Variants in MICU3 observed in about 807,000 individuals in gnomAD.
MICU3 encodes the protein mitochondrial calcium uptake 3, also known as calcium uptake protein 3, mitochondrial.
In MICU3, 62 loss-of-function variants were observed where a neutral mutation model predicts 66.5. The observed-to-expected ratio is 0.93, with a 90% CI of 0.76 to 1.15. MICU3 has a LOEUF of 1.15. MICU3 is among the 50% of genes most tolerant of loss of function. The pLI is 0.00. For missense variants in MICU3, 779 were observed against 664.4 expected (o/e 1.17, Z -1.90); for synonymous variants, 308 against 240.7 (o/e 1.28, Z -2.59).
chr8:17,114,323 T>C, intron 12 of MICU3, 122 bp downstream of exon 12: 1 of 600,220 alleles, frequency 1.7e-6, no homozygotes, highest in South Asian at 2.4e-5. Flanking sequence ...GTCCGGTGTA[T>C]ACTTTCAGTG....
intron 8 of MICU3, among the ~76,000 whole-genome samples, chr8:17,097,864 A>G (rs186250805): frequency 6.6e-6 from 1 of 151,882 alleles, no homozygotes; most frequent in East Asian, 1.9e-4. Context: ...TGTCCTTGTA[A>G]TAAATAATAA....
At chr8:17,060,984 C>T (rs1260286757) in intron 1 of MICU3, among the ~76,000 whole-genome samples, 1 of 152,026 alleles carries the variant, frequency 6.6e-6, no homozygotes, top group African/African-American at 2.4e-5. Flanking sequence ...AAACCTTCAA[C>T]TCTGCTTGGT....
At chr8:17,083,256 T>C (rs1821459644) in intron 5 of MICU3, among the ~76,000 whole-genome samples, 1 of 152,020 alleles carries the variant, frequency 6.6e-6, no homozygotes, top group African/African-American at 2.4e-5. Flanking sequence ...ATCCATCAAG[T>C]GTGGGGTCTG....
In MICU3 at chr8:17,104,811, C is replaced by A. The variant is rs1261582097; in HGVS notation, c.1085+320C>A. On this transcript the variant is annotated intron_variant, in intron 10 of 14. Transcript: ENST00000318063. Reference sequence around the variant, plus strand: ...GAGATCGAGACCATCCTGGCTAACACGGTGAAACCCCGTCTCTACTAAAAA... The same window carrying A: ...GAGATCGAGACCATCCTGGCTAACAAGGTGAAACCCCGTCTCTACTAAAAA... Among the ~76,000 whole-genome samples, 5 of 43,388 alleles carry A rather than the reference C, an allele frequency of 1.2e-4. 2 individuals carry two copies. Among genetic ancestry groups the A allele is most frequent in the African/African-American group, 7.5e-4 (2 of 2,650 alleles). The allele number at this position is 43,388 out of a possible 152,430, so 28.5% of individuals were successfully genotyped here.
intron 1 of MICU3, among the ~76,000 whole-genome samples, chr8:17,037,291 C>T (rs1477896374): frequency 1.3e-5 from 2 of 152,196 alleles, no homozygotes; most frequent in Non-Finnish European, 2.9e-5. Flanking sequence ...CCGAAGAGCT[C>T]CTCAAGTGCT....
chr8:17,049,650 C>T (rs1417821520), intron 1 of MICU3: 1 of 517,734 alleles, frequency 1.9e-6, no homozygotes, highest in Non-Finnish European at 3.9e-6. Flanking sequence ...CATATACTTT[C>T]ATTCCAATAT....
At chr8:17,112,855 G>A (rs1415485730) in intron 11 of MICU3, among the ~76,000 whole-genome samples, 1 of 152,136 alleles carries the variant, frequency 6.6e-6, no homozygotes, top group African/African-American at 2.4e-5. Context: ...GCAGTGACTA[G>A]TTTTTTTGGC....
chr8:17,122,159 AGAGT>A lies in MICU3; in HGVS notation c.*1878_*1881del. ...TTTATTTTATTCTTTATTGCTTATC[AGAGT>A]GAGTGGATGAAAACATTTGTAAGGC... is the stretch of plus-strand genomic sequence containing the variant. On this transcript the variant is annotated 3_prime_UTR_variant, in exon 15 of 15. Transcript: ENST00000318063. 1 of 151,846 alleles carries A rather than the reference AGAGT, an allele frequency of 6.6e-6. No homozygotes were observed. The highest frequency in any genetic ancestry group is 1.9e-4 in the East Asian group (1 of 5,202). The allele number at this position is 151,846 out of a possible 1,614,324, so 9.4% of individuals were successfully genotyped here.
chr8:17,111,417 G>A (rs1283904257), intron 11 of MICU3, among the ~76,000 whole-genome samples: 1 of 152,040 alleles, frequency 6.6e-6, no homozygotes. Context: ...AAACTCCTGG[G>A]CTCAAGTGAT....
intron 1 of MICU3, among the ~76,000 whole-genome samples, chr8:17,052,761 G>A (rs1585241575): frequency 6.6e-6 from 1 of 152,086 alleles, no homozygotes; most frequent in African/African-American, 2.4e-5. Flanking sequence ...CACCCAGCAA[G>A]CAAAGAAAAT....
chr8:17,108,360 G>T (rs1801915401), intron 11 of MICU3, among the ~76,000 whole-genome samples: 1 of 152,066 alleles, frequency 6.6e-6, no homozygotes, highest in African/African-American at 2.4e-5. Context: ...CTTCTCCCCT[G>T]AATTTCAGGC....
chr8:17,095,368 TA>T (rs1321650071), intron 8 of MICU3, among the ~76,000 whole-genome samples: 1 of 151,950 alleles, frequency 6.6e-6, no homozygotes, highest in Admixed American at 6.6e-5. Flanking sequence ...TTTCCTATGA[TA>T]TACCTAGGGT....
At chr8:17,094,044 G>A (rs1258212076) in intron 8 of MICU3, among the ~76,000 whole-genome samples, 1 of 151,816 alleles carries the variant, frequency 6.6e-6, no homozygotes, top group South Asian at 2.1e-4. Flanking sequence ...ACACAATCAT[G>A]ACTTTTATGT....
At chr8:17,060,454 T>C (rs369426496) in intron 1 of MICU3, among the ~76,000 whole-genome samples, 3 of 152,128 alleles carry the variant, frequency 2.0e-5, no homozygotes, top group South Asian at 4.2e-4. Context: ...ATTACAGGCA[T>C]GCGTGCACCA....
At chr8:17,051,105 T>G (rs1409491425) in intron 1 of MICU3, among the ~76,000 whole-genome samples, 1 of 152,186 alleles carries the variant, frequency 6.6e-6, no homozygotes, top group Non-Finnish European at 1.5e-5. Flanking sequence ...ATCAGAAAAT[T>G]TTTTATTCCA....
Position 17,064,127 on chromosome 8 carries a change from C to T in MICU3, c.425C>T (p.Ala142Val), listed in dbSNP as rs1818304806. ...RTDIEDLDLY[A>V]TSRERRFRLF... ...GACATTGAAGACTTAGACCTTTATG[C>T]CACATCTCGGGAGAGGCGATTTCGT... is the stretch of plus-strand genomic sequence containing the variant. Residue 142 changes from alanine (A) to valine (V), a missense_variant, in exon 2 of 15, where the codon GCC (alanine) becomes GTC (valine). Ala to Val is a moderately conservative substitution (Grantham distance 64, BLOSUM62 0). Coordinates refer to ENST00000318063, the MANE Select transcript of MICU3 (RefSeq NM_181723.3). 1 of 1,612,860 alleles carries T rather than the reference C, an allele frequency of 6.2e-7. No individual in the cohort carries two copies. Among genetic ancestry groups the T allele is most frequent in the African/African-American group, 1.3e-5 (1 of 74,852 alleles).
At chr8:17,060,459 G>A (rs931770334) in intron 1 of MICU3, among the ~76,000 whole-genome samples, 1 of 151,924 alleles carries the variant, frequency 6.6e-6, no homozygotes, top group Non-Finnish European at 1.5e-5. Context: ...AGGCATGCGT[G>A]CACCACCACA....
intron 2 of MICU3, among the ~76,000 whole-genome samples, chr8:17,067,498 C>T (rs1479727231): frequency 1.3e-5 from 2 of 151,846 alleles, no homozygotes; most frequent in Non-Finnish European, 2.9e-5. Flanking sequence ...GGGGTGATCT[C>T]AGCTCACTGC....
intron 9 of MICU3, among the ~76,000 whole-genome samples, chr8:17,103,109 A>C (rs1245191896): frequency 2.6e-5 from 4 of 151,978 alleles, no homozygotes; most frequent in Admixed American, 2.6e-4. Flanking sequence ...ATGCATTAAA[A>C]GGGGACATGT....
Sources: gnomAD v4.1 joint callset for allele counts (sites outside exome capture counted in the v4.1 genomes callset) on GRCh38, gnomAD v4.1.1 for gene constraint, MANE v1.5 for transcripts, NCBI Gene and HGNC (gene_info 2026-07-23, HGNC 2026-07-21) for gene names.